STAG1: variants seen among roughly 807,000 people sequenced by gnomAD.
STAG1 encodes STAG1 cohesin complex component, also known as cohesin subunit SA-1.
STAG1 carries 26 observed loss-of-function variants against 170.9 expected under a neutral mutation model. The ratio of observed to expected loss-of-function variants is 0.15; its 90% confidence interval spans 0.11 to 0.21. STAG1 has a LOEUF of 0.21. STAG1 is among the 10% of genes least tolerant of loss of function. The pLI, the probability that STAG1 is intolerant of heterozygous loss-of-function variation, is 1.00. For missense variants in STAG1, 964 were observed against 1,509.5 expected, an observed-to-expected ratio of 0.64 and a Z score of 5.99; for synonymous variants, 514 against 497.7, an observed-to-expected ratio of 1.03 and a Z score of -0.44.
At chr3:136,685,173 G>A (rs746331482) in intron 1 of STAG1, among the ~76,000 whole-genome samples, 22 of 151,994 alleles carry the variant, frequency 1.4e-4, no homozygotes, top group South Asian at 1.0e-3. Context: ...AAAATTAGCC[G>A]GATGTGGTGG....
chr3:136,362,992 C>T (rs1040762205), intron 26 of STAG1, among the ~76,000 whole-genome samples: 1 of 152,084 alleles, frequency 6.6e-6, no homozygotes, highest in Non-Finnish European at 1.5e-5. Context: ...AATTACTAAG[C>T]ATTTATTAGA....
intron 15 of STAG1, among the ~76,000 whole-genome samples, chr3:136,439,068 C>T (rs1298264661): frequency 6.6e-6 from 1 of 151,062 alleles, no homozygotes; most frequent in East Asian, 1.9e-4. Flanking sequence ...TGGTGGTGAG[C>T]GCCTGTAATC....
intron 13 of STAG1, among the ~76,000 whole-genome samples, chr3:136,458,740 G>A (rs115777374): frequency 5.3e-5 from 8 of 151,552 alleles, no homozygotes; most frequent in African/African-American, 1.9e-4. Flanking sequence ...TGGCTGAAAC[G>A]ATTAAAAAAA....
At chr3:136,739,605 A>T (rs751666785) in intron 1 of STAG1, among the ~76,000 whole-genome samples, 1 of 151,570 alleles carries the variant, frequency 6.6e-6, no homozygotes, top group Non-Finnish European at 1.5e-5. Flanking sequence ...GGATTGCCTG[A>T]GGTCAGGAGT....
intron 21 of STAG1, among the ~76,000 whole-genome samples, chr3:136,413,035 T>C (rs917125940): frequency 3.3e-5 from 5 of 151,534 alleles, no homozygotes; most frequent in African/African-American, 7.3e-5. Context: ...GCTACTTTTT[T>C]GTATTTTTAG....
At chr3:136,701,930 T>C (rs1353830156) in intron 1 of STAG1, among the ~76,000 whole-genome samples, 5 of 152,028 alleles carry the variant, frequency 3.3e-5, no homozygotes, top group Admixed American at 3.3e-4. Flanking sequence ...AGATTTTAAC[T>C]GCTAAGTCAA....
chr3:136,383,726 T>G (rs1293975590), intron 22 of STAG1, among the ~76,000 whole-genome samples: 1 of 151,524 alleles, frequency 6.6e-6, no homozygotes, highest in East Asian at 1.9e-4. Flanking sequence ...GAGGCCGAGG[T>G]GGGCGGATCA....
chr3:136,551,939 G>A (rs1213777686), intron 5 of STAG1, among the ~76,000 whole-genome samples: 2 of 151,972 alleles, frequency 1.3e-5, no homozygotes, highest in Admixed American at 1.3e-4. Flanking sequence ...GAGAGAGAGA[G>A]GCTGAAATTG....
rs192285727 is a variant in STAG1 at position 136,506,118 on chromosome 3, G to A, written c.677-3339C>T. Among the ~76,000 whole-genome samples the A allele has an allele frequency of 2.2e-3, 338 of 152,292 alleles. 3 individuals are homozygous for A. Among genetic ancestry groups the A allele is most frequent in the Non-Finnish European group, 4.1e-3 (278 of 68,030 alleles). On this transcript the variant is annotated intron_variant, in intron 7 of 33. Coordinates refer to ENST00000383202, the MANE Select transcript of STAG1 (RefSeq NM_005862.3). ...AATGTGGAGTGATGTGAAACAGTCTGAATTAGATTTTAAACTGATGTGTGA... is the reference window on the plus strand; with the variant it reads ...AATGTGGAGTGATGTGAAACAGTCTAAATTAGATTTTAAACTGATGTGTGA...
chr3:136,471,209 AAC>A (rs2107810715), intron 12 of STAG1, among the ~76,000 whole-genome samples: 1 of 152,268 alleles, frequency 6.6e-6, no homozygotes, highest in South Asian at 2.1e-4. Context: ...CAGCATGAGA[AAC>A]ATAGTAAGAA....
chr3:136,377,255 C>T lies in STAG1; in HGVS notation c.2370+405G>A, dbSNP rs558027722. Among the ~76,000 whole-genome samples the T allele has an allele frequency of 8.0e-4, 118 of 147,838 alleles. 1 individual carries two copies. The South Asian group carries it at 0.023, about 29-fold the overall frequency. On this transcript the variant is annotated intron_variant, in intron 23 of 33. Transcript: ENST00000383202. ...ACAAAAAATTAGCTGGGCGCAGTGG[C>T]GGGTGCCTGTAGTCCCAGCTACTCG...
chr3:136,516,002 T>C (rs1348029766), intron 7 of STAG1, among the ~76,000 whole-genome samples: 1 of 152,010 alleles, frequency 6.6e-6, no homozygotes, highest in Non-Finnish European at 1.5e-5. Flanking sequence ...GGTCAAACTC[T>C]AGAAGAATTT....
intron 1 of STAG1, among the ~76,000 whole-genome samples, chr3:136,693,698 A>G (rs1942796416): frequency 6.6e-6 from 1 of 151,664 alleles, no homozygotes; most frequent in Admixed American, 6.6e-5. Flanking sequence ...GCCTCTCAGC[A>G]GCTAGGACCA....
intron 28 of STAG1, among the ~76,000 whole-genome samples, chr3:136,352,976 A>G (rs1040217909): frequency 6.6e-6 from 1 of 152,220 alleles, no homozygotes; most frequent in Non-Finnish European, 1.5e-5. Context: ...TATCTAATTA[A>G]AAGTGGGTAT....
intron 1 of STAG1, among the ~76,000 whole-genome samples, chr3:136,739,003 T>C (rs1934506202): frequency 6.6e-6 from 1 of 152,106 alleles, no homozygotes; most frequent in Admixed American, 6.6e-5. Flanking sequence ...CTCCAGAAAG[T>C]AATGTCCTAC....
At chr3:136,444,318 C>A (rs1446669491) in intron 14 of STAG1, among the ~76,000 whole-genome samples, 1 of 152,200 alleles carries the variant, frequency 6.6e-6, no homozygotes, top group Non-Finnish European at 1.5e-5. Context: ...AAGAGATCTG[C>A]CTGCCTCGGC....
At chr3:136,389,802 G>A (rs2086959419) in intron 22 of STAG1, among the ~76,000 whole-genome samples, 1 of 150,780 alleles carries the variant, frequency 6.6e-6, no homozygotes, top group Non-Finnish European at 1.5e-5. Flanking sequence ...TTACAGGTGT[G>A]AGCCACCGCA....
chr3:136,530,789 A>G (rs1478867690), intron 6 of STAG1, among the ~76,000 whole-genome samples: 12 of 152,184 alleles, frequency 7.9e-5, no homozygotes, highest in Admixed American at 7.9e-4. Flanking sequence ...GTTTATAGAA[A>G]TAAACACCTG....
At chr3:136,372,654 T>G (rs1341670471) in intron 23 of STAG1, among the ~76,000 whole-genome samples, 1 of 152,234 alleles carries the variant, frequency 6.6e-6, no homozygotes, top group Non-Finnish European at 1.5e-5. Flanking sequence ...TTACGTTTAT[T>G]GATTTTCCTA....
Sources: allele counts gnomAD v4.1 joint callset (sites outside exome capture counted in the v4.1 genomes callset), GRCh38; gene constraint gnomAD v4.1.1; transcripts MANE v1.5; gene names NCBI Gene and HGNC (gene_info 2026-07-23, HGNC 2026-07-21).